MACROD2: variants seen among roughly 807,000 people sequenced by gnomAD.
MACROD2 encodes the protein ADP-ribose glycohydrolase MACROD2.
A neutral mutation model predicts 70.4 loss-of-function variants in MACROD2; 36 were observed. The observed-to-expected ratio is 0.51, with a 90% CI of 0.39 to 0.68. MACROD2 has a LOEUF of 0.68. Ranked by LOEUF, MACROD2 falls within the 30% of genes least tolerant of loss-of-function variation. The probability of loss-of-function intolerance (pLI) is 0.00; values close to 1 mark genes in which losing one functional copy is unlikely to be tolerated. For missense variants in MACROD2, 496 were observed against 538.4 expected, an observed-to-expected ratio of 0.92 and a Z score of 0.78; for synonymous variants, 172 against 178.8, an observed-to-expected ratio of 0.96 and a Z score of 0.30.
chr20:15,502,215 C>T (rs1006230602), intron 8 of MACROD2, among the ~76,000 whole-genome samples: 2 of 152,136 alleles, frequency 1.3e-5, no homozygotes, highest in Admixed American at 6.5e-5. Context: ...GTGCTGAGGA[C>T]GTAATCTTGG....
At chr20:14,587,899 A>G (rs1981492742) in intron 4 of MACROD2, among the ~76,000 whole-genome samples, 1 of 152,122 alleles carries the variant, frequency 6.6e-6, no homozygotes. Flanking sequence ...ACAAATGAAT[A>G]CAGTGGTGTT....
chr20:15,121,746 G>T (rs910705576), intron 5 of MACROD2, among the ~76,000 whole-genome samples: 2 of 152,062 alleles, frequency 1.3e-5, no homozygotes, highest in Non-Finnish European at 1.5e-5. Context: ...TCTTCTAGGT[G>T]AATTTGAAAG....
rs916685699 is a variant in MACROD2 at position 14,009,270 on chromosome 20, C to A, written c.163+6866C>A. The stretch of plus-strand genomic sequence containing the variant: ...AGGAACTTAAATTTACAAGAAAAAA[C>A]CAAACAACCCCATTAAAAATAGACA... On this transcript the variant is annotated intron_variant, in intron 2 of 17. Coordinates refer to ENST00000684519, the MANE Select transcript of MACROD2 (RefSeq NM_001351661.2). 6.6e-5 allele frequency among the ~76,000 whole-genome samples: 10 copies of A among 152,166 alleles called. No homozygotes were observed. In the East Asian group the frequency reaches 7.7e-4, roughly 12 times the overall value.
intron 5 of MACROD2, among the ~76,000 whole-genome samples, chr20:15,188,689 A>G (rs951312180): frequency 6.6e-6 from 1 of 152,216 alleles, no homozygotes; most frequent in Non-Finnish European, 1.5e-5. Context: ...TTGGTGTGTG[A>G]TTCCTTAAAT....
At chr20:14,982,578 G>A (rs2122843059) in intron 5 of MACROD2, among the ~76,000 whole-genome samples, 1 of 152,334 alleles carries the variant, frequency 6.6e-6, no homozygotes, top group South Asian at 2.1e-4. Context: ...AGCTGTGGCT[G>A]AAAGGGGCCA....
chr20:14,239,644 G>T (rs759377520), intron 3 of MACROD2, among the ~76,000 whole-genome samples: 1 of 151,750 alleles, frequency 6.6e-6, no homozygotes, highest in Non-Finnish European at 1.5e-5. Flanking sequence ...TGGTGGATAT[G>T]CACTAGACCC....
intron 8 of MACROD2, among the ~76,000 whole-genome samples, chr20:15,504,322 C>T (rs1403618368): frequency 6.6e-6 from 1 of 152,042 alleles, no homozygotes; most frequent in Non-Finnish European, 1.5e-5. Context: ...AGCACAGTGG[C>T]TCAAACAGTG....
intron 8 of MACROD2, among the ~76,000 whole-genome samples, chr20:15,551,052 C>T (rs2048088981): frequency 6.6e-6 from 1 of 152,144 alleles, no homozygotes; most frequent in South Asian, 2.1e-4. Context: ...GTTAGAGATA[C>T]TGAAATGTCC....
At chr20:15,104,941 G>A (rs1339705703) in intron 5 of MACROD2, among the ~76,000 whole-genome samples, 1 of 152,090 alleles carries the variant, frequency 6.6e-6, no homozygotes, top group East Asian at 1.9e-4. Flanking sequence ...CAGAAAAAAG[G>A]TGACTATACT....
chr20:14,173,797 G>C (rs2081242334), intron 3 of MACROD2, among the ~76,000 whole-genome samples: 1 of 152,154 alleles, frequency 6.6e-6, no homozygotes, highest in South Asian at 2.1e-4. Context: ...AGATTCTGCT[G>C]TCCCACAGGG....
intron 2 of MACROD2, among the ~76,000 whole-genome samples, chr20:14,042,247 T>C (rs2053400738): frequency 6.6e-6 from 1 of 152,176 alleles, no homozygotes; most frequent in Non-Finnish European, 1.5e-5. Flanking sequence ...AGCTGCTCTC[T>C]GAACATTTGT....
Position 15,772,096 on chromosome 20 carries a change from A to AT in MACROD2, c.646-90649_646-90648insT, listed in dbSNP as rs2051640505. On this transcript the variant is annotated intron_variant, in intron 8 of 17. Transcript: ENST00000684519. ...TGAGACTCGGTCTCAAAAAAAAAAAAAAAAAATATATATATATATATATAT... is the reference window on the plus strand; with the variant it reads ...TGAGACTCGGTCTCAAAAAAAAAAAATAAAAAATATATATATATATATATAT... Among the ~76,000 whole-genome samples the AT allele has an allele frequency of 6.9e-5, 7 of 101,424 alleles. No homozygotes were observed. The South Asian group carries it at 1.6e-3, about 23-fold the overall frequency. 66.5% of individuals were successfully genotyped at this position (101,424 alleles called of 152,430 possible).
At chr20:15,398,402 G>A (rs2045887303) in intron 6 of MACROD2, among the ~76,000 whole-genome samples, 1 of 152,176 alleles carries the variant, frequency 6.6e-6, no homozygotes, top group East Asian at 1.9e-4. Flanking sequence ...TTCCAACCAA[G>A]AGACTTTGTT....
At chr20:14,978,351 AAGT>A (rs2074761526) in intron 5 of MACROD2, among the ~76,000 whole-genome samples, 1 of 149,060 alleles carries the variant, frequency 6.7e-6, no homozygotes, top group Non-Finnish European at 1.5e-5. Context: ...CCTAACATAG[AAGT>A]AGTCCCCCTC....
At chr20:14,651,266 C>T (rs926777972) in intron 4 of MACROD2, among the ~76,000 whole-genome samples, 4 of 151,684 alleles carry the variant, frequency 2.6e-5, no homozygotes, top group African/African-American at 9.7e-5. Flanking sequence ...GTCATGATGC[C>T]AAAGAGAAAA....
intron 10 of MACROD2, among the ~76,000 whole-genome samples, chr20:15,927,020 C>T (rs757777628): frequency 4.6e-5 from 7 of 152,114 alleles, no homozygotes; most frequent in African/African-American, 9.7e-5. Flanking sequence ...TGGCCCCAGC[C>T]GGCACTAACC....
At position 15,371,132 on chromosome 20, in the gene MACROD2, G is replaced by A. The variant is rs148555924; in HGVS notation, c.541-60273G>A. ...TAATATTCATAAGTCACTGAAAATA[G>A]AACAAAACAAACAAAACACTGGCAC... On this transcript the variant is annotated intron_variant, in intron 6 of 17. Coordinates refer to ENST00000684519, the MANE Select transcript of MACROD2 (RefSeq NM_001351661.2). Among the ~76,000 whole-genome samples the A allele has an allele frequency of 2.6e-3, 392 of 152,146 alleles. 4 individuals are homozygous for A. The highest frequency in any genetic ancestry group is 8.4e-3 in the African/African-American group (349 of 41,550).
At chr20:14,045,173 C>T (rs1384799528) in intron 2 of MACROD2, among the ~76,000 whole-genome samples, 2 of 152,246 alleles carry the variant, frequency 1.3e-5, no homozygotes, top group Non-Finnish European at 2.9e-5. Context: ...TCCCTCCACA[C>T]CTCCCTGCAA....
chr20:15,407,435 T>C (rs2146318690), intron 6 of MACROD2, among the ~76,000 whole-genome samples: 2 of 152,350 alleles, frequency 1.3e-5, no homozygotes, highest in African/African-American at 4.8e-5. Context: ...CTTTCTGTAA[T>C]TGCCTCCCAA....
Sources: gnomAD v4.1 joint callset for allele counts (sites outside exome capture counted in the v4.1 genomes callset) on GRCh38, gnomAD v4.1.1 for gene constraint, MANE v1.5 for transcripts, NCBI Gene and HGNC (gene_info 2026-07-23, HGNC 2026-07-21) for gene names.